Variants in SCO2 observed in about 807,000 individuals in gnomAD.
The protein encoded by SCO2 is synthesis of cytochrome C oxidase 2.
For synonymous variants in SCO2, 195 were observed against 148.6 expected (o/e 1.31, Z -2.27); for missense variants, 429 against 348.7 (o/e 1.23, Z -1.83).
chr22:50,524,759 A>G, intron 1 of SCO2: 3 of 483,068 alleles, frequency 6.2e-6, no homozygotes, highest in South Asian at 3.3e-5. Context: ...TCTATTTGCA[A>G]TAAACCCATT....
upstream of SCO2, chr22:50,526,011 C>T (rs570574111): frequency 2.9e-4 from 422 of 1,462,934 alleles, 1 homozygote; most frequent in African/African-American, 5.6e-3. Flanking sequence ...CACGGCGCAG[C>T]CTCTGACCCA....
rs757088706 is a variant in SCO2 at position 50,523,597 on chromosome 22, C to T, written c.*14G>A. ...ACGCAGCCCGTTTAATGATGGGGCC[C>T]AGACTGCAGTGGCTCAAGACAGGAC... On this transcript the variant is annotated 3_prime_UTR_variant, in exon 2 of 2. Coordinates refer to ENST00000395693, the MANE Select transcript of SCO2 (RefSeq NM_005138.3). 2.5e-5 allele frequency: 40 copies of T among 1,612,622 alleles called. No individual in the cohort carries two copies. The African/African-American group carries it at 4.9e-4, about 20-fold the overall frequency.
Position 50,525,589 on chromosome 22 carries a change from C to A in SCO2, c.-131G>T, listed in dbSNP as rs111681173. ...GGGCGCCACACGCTCACAGGCAGGG[C>A]GCAGGCGTCCCCGGAGCTGCGCATG... On this transcript the variant is annotated 5_prime_UTR_variant, in exon 1 of 2. Coordinates refer to ENST00000395693, the MANE Select transcript of SCO2 (RefSeq NM_005138.3). 2.8e-5 allele frequency: 26 copies of A among 923,364 alleles called. No individual in the cohort carries two copies. Among genetic ancestry groups the A allele is most frequent in the Non-Finnish European group, 3.6e-5 (22 of 603,170 alleles). 57.2% of individuals were successfully genotyped at this position (923,364 alleles called of 1,614,324 possible).
chr22:50,525,472 C>A lies in SCO2; in HGVS notation c.-14G>T, dbSNP rs1195809608. 2 of 473,372 alleles carry A rather than the reference C, an allele frequency of 4.2e-6. No homozygotes were observed. Among genetic ancestry groups the A allele is most frequent in the South Asian group, 2.3e-5 (1 of 42,936 alleles). The allele number at this position is 473,372 out of a possible 1,614,324, so 29.3% of individuals were successfully genotyped here. A position where few individuals can be genotyped will look rare whatever the true frequency, so the allele number is the denominator to read the frequency against. ...CCCCTCCCAGCCCCGGCGTCCGCAC[C>A]TCGCGGCGGGGCCGCGCGTCAGTGG... On this transcript the variant is annotated splice_region_variant and 5_prime_UTR_variant, in exon 1 of 2. In the 5' UTR this introduces an upstream ATG that the reference lacks. Transcript: ENST00000395693.
upstream of SCO2, chr22:50,526,064 C>G (rs1037027865): frequency 4.0e-6 from 6 of 1,484,038 alleles, no homozygotes; most frequent in African/African-American, 8.8e-5. Context: ...CGGAGCGGCT[C>G]CCCAGCGCGG....
chr22:50,524,357 G>A lies in SCO2; in HGVS notation c.55C>T (p.Pro19Ser), dbSNP rs1240764131. Reference sequence around the variant, plus strand: ...CCCAGGGTCCCAGGGAGGACCCGAGGCTTGAGCTGAGAGAGCCTGTGCCAA... The same window carrying A: ...CCCAGGGTCCCAGGGAGGACCCGAGACTTGAGCTGAGAGAGCCTGTGCCAA... ...TAWHRLSQLK[P>S]RVLPGTLGGQ... Residue 19 changes from proline (P) to serine (S), a missense_variant, in exon 2 of 2, where the codon CCT becomes TCT. Coordinates refer to ENST00000395693, the MANE Select transcript of SCO2 (RefSeq NM_005138.3). 4 of 1,602,046 alleles carry A rather than the reference G, an allele frequency of 2.5e-6. No homozygotes were observed. In the East Asian group the frequency reaches 6.7e-5, roughly 27 times the overall value.
upstream of SCO2, chr22:50,525,909 C>T (rs1243213428): frequency 6.5e-7 from 1 of 1,541,068 alleles, no homozygotes. Flanking sequence ...CACGCGGAGC[C>T]AGGGGGTCCC....
At chr22:50,525,962 G>C (rs1412052749), upstream of SCO2, 3 of 1,390,950 alleles carry the variant, frequency 2.2e-6, no homozygotes, top group Non-Finnish European at 2.8e-6. Flanking sequence ...CCGGAGCTGG[G>C]CGGGGGTGCG....
intron 1 of SCO2, 33 bp downstream of exon 1, chr22:50,525,439 T>C: frequency 2.5e-6 from 1 of 407,442 alleles, no homozygotes. Context: ...TCCTCAGGGC[T>C]ACCTCCTCCC....
At chr22:50,525,760 C>T (rs369012029), upstream of SCO2, 244 of 1,610,126 alleles carry the variant, frequency 1.5e-4, no homozygotes, top group Middle Eastern at 5.0e-4. Flanking sequence ...GGTTTCGCGG[C>T]AAAGGAGCTT....
At position 50,524,054 on chromosome 22, in the gene SCO2, G is replaced by T. The variant is rs375954523; in HGVS notation, c.358C>A (p.Arg120=). 5 of 1,613,390 alleles carry T rather than the reference G, an allele frequency of 3.1e-6. No individual in the cohort carries two copies. The highest frequency in any genetic ancestry group is 8.5e-7 in the Non-Finnish European group (1 of 1,180,028). The stretch of plus-strand genomic sequence containing the variant: ...AAGTACATCAGCACCCACTGGCCCC[G>T]GAAGTCAGCCTTGCAGCGAGCCCGG... ...RGRARCKADF[R]GQWVLMYFGF... is the part of the protein sequence containing the mutation. The change falls in exon 2 of 2, where the codon CGG becomes AGG. Residue 120 remains arginine (R), a synonymous_variant. Transcript: ENST00000395693.
At chr22:50,526,364 C>T (rs1301182435), upstream of SCO2, 2 of 1,546,328 alleles carry the variant, frequency 1.3e-6, no homozygotes. Context: ...CCTGCGCCGC[C>T]AGCATCCGCT....
intron 1 of SCO2, among the ~76,000 whole-genome samples, chr22:50,524,934 C>G (rs1371397142): frequency 6.6e-6 from 1 of 152,098 alleles, no homozygotes; most frequent in African/African-American, 2.4e-5. Context: ...CTCTGCCCGC[C>G]GGCTGTGTTT....
upstream of SCO2, chr22:50,525,829 G>A: frequency 6.2e-7 from 1 of 1,609,610 alleles, no homozygotes; most frequent in African/African-American, 1.3e-5. Context: ...AATGGCGCGC[G>A]GTCGGAGAGT....
chr22:50,525,179 C>T (rs1161796742), intron 1 of SCO2, among the ~76,000 whole-genome samples: 1 of 152,264 alleles, frequency 6.6e-6, no homozygotes, highest in Non-Finnish European at 1.5e-5. Flanking sequence ...CACTGCACCC[C>T]CGCCCGGGCG....
intron 1 of SCO2, among the ~76,000 whole-genome samples, chr22:50,525,159 C>A (rs911609924): frequency 1.5e-4 from 23 of 152,228 alleles, no homozygotes; most frequent in Non-Finnish European, 2.6e-4. Flanking sequence ...AGGGCACCCT[C>A]CCGAGGACTC....
chr22:50,524,948 C>G (rs1389187714), intron 1 of SCO2, among the ~76,000 whole-genome samples: 1 of 152,040 alleles, frequency 6.6e-6, no homozygotes, highest in African/African-American at 2.4e-5. Flanking sequence ...TGTGTTTAAC[C>G]TCTCCTGGCA....
chr22:50,524,019 A>G lies in SCO2; in HGVS notation c.393T>C (p.Thr131=). Residue 131 remains threonine, a synonymous_variant, in exon 2 of 2, where the codon ACT becomes ACC. Coordinates refer to ENST00000395693, the MANE Select transcript of SCO2 (RefSeq NM_005138.3). ...GQWVLMYFGF[T]HCPDICPDEL... ...CGTCTGGGCAGATGTCAGGGCAGTG[A>G]GTGAAGCCAAAGTACATCAGCACCC... 6.2e-7 allele frequency: 1 copy of G among 1,613,568 alleles called. No individual in the cohort carries two copies. Among genetic ancestry groups the G allele is most frequent in the East Asian group, 2.2e-5 (1 of 44,888 alleles).
At chr22:50,525,735 C>T (rs759379893), upstream of SCO2, 13 of 1,602,514 alleles carry the variant, frequency 8.1e-6, no homozygotes, top group African/African-American at 4.0e-5. Flanking sequence ...TCCGCTCCCG[C>T]CCAAGCACTG....
Sources: gnomAD v4.1 joint callset for allele counts (sites outside exome capture counted in the v4.1 genomes callset) on GRCh38, gnomAD v4.1.1 for gene constraint, MANE v1.5 for transcripts, NCBI Gene and HGNC (gene_info 2026-07-23, HGNC 2026-07-21) for gene names.